The following KIAA0319 variants were observed in gnomAD, a reference collection of about 807,000 sequenced individuals.
KIAA0319 encodes dyslexia-associated protein KIAA0319.
KIAA0319 carries 83 observed loss-of-function variants against 108.4 expected under a neutral mutation model. That is an observed-to-expected ratio of 0.77 (90% CI 0.64 to 0.92). The LOEUF is 0.92. Among genes scored for constraint, KIAA0319 ranks in the 40% least tolerant of loss-of-function variants. The pLI, the probability that KIAA0319 is intolerant of heterozygous loss-of-function variation, is 0.00. For missense variants in KIAA0319, 1,195 were observed against 1,322.4 expected, an observed-to-expected ratio of 0.90 and a Z score of 1.49; for synonymous variants, 484 against 510.4, an observed-to-expected ratio of 0.95 and a Z score of 0.70.
intron 1 of KIAA0319, among the ~76,000 whole-genome samples, chr6:24,610,782 A>C (rs1772180331): frequency 6.7e-6 from 1 of 149,618 alleles, no homozygotes; most frequent in Admixed American, 6.7e-5. Context: ...CCCTCAAAAC[A>C]AAAAAAAAAT....
In KIAA0319 at chr6:24,544,243, G is replaced by A. The variant is rs1449409648; in HGVS notation, c.*2922C>T. 1 of 152,120 alleles carries A rather than the reference G, an allele frequency of 6.6e-6. No individual in the cohort carries two copies. The highest frequency in any genetic ancestry group is 1.9e-4 in the East Asian group (1 of 5,188). 9.4% of individuals were successfully genotyped at this position (152,120 alleles called of 1,614,324 possible). On this transcript the variant is annotated 3_prime_UTR_variant, in exon 21 of 21. Coordinates refer to ENST00000378214, the MANE Select transcript of KIAA0319 (RefSeq NM_014809.4). Reference sequence around the variant, plus strand: ...CGGCTCATGGGGCGTGCACACACAGGCTGTAGGCCACAGTTTGCTGACCTA... The same window carrying A: ...CGGCTCATGGGGCGTGCACACACAGACTGTAGGCCACAGTTTGCTGACCTA...
chr6:24,587,192 C>T, intron 4 of KIAA0319, among the ~76,000 whole-genome samples: 1 of 152,138 alleles, frequency 6.6e-6, no homozygotes, highest in East Asian at 1.9e-4. Flanking sequence ...AAATCTGGTT[C>T]CTTCCCTCCA....
At chr6:24,594,198 C>CAAAAAAAAAAAAAAAAAAAAAAA (rs761107947) in intron 3 of KIAA0319, among the ~76,000 whole-genome samples, 1 of 54,398 alleles carries the variant, frequency 1.8e-5, no homozygotes, top group African/African-American at 8.0e-5. Flanking sequence ...GACTCTGTCT[C>CAAAAAAAAAAAAAAAAAAAAAAA]AAAAAAAAAA....
chr6:24,638,203 C>T (rs1330695762), intron 1 of KIAA0319, among the ~76,000 whole-genome samples: 1 of 151,918 alleles, frequency 6.6e-6, no homozygotes, highest in Non-Finnish European at 1.5e-5. Flanking sequence ...GGAGAGGAGA[C>T]AAAAATCATA....
intron 20 of KIAA0319, among the ~76,000 whole-genome samples, 166 bp downstream of exon 20, chr6:24,551,268 C>A (rs1761455077): frequency 6.6e-6 from 1 of 152,066 alleles, no homozygotes; most frequent in Non-Finnish European, 1.5e-5. Context: ...GCCACTGGGC[C>A]CGGCCTGAAG....
chr6:24,613,679 G>GAA lies in KIAA0319; in HGVS notation c.-105-12473_-105-12472dup, dbSNP rs57271356. Among the ~76,000 whole-genome samples the GAA allele has an allele frequency of 6.1e-3, 844 of 137,472 alleles. 3 individuals carry two copies. Among genetic ancestry groups the GAA allele is most frequent in the Admixed American group, 8.5e-3 (116 of 13,628 alleles). The allele number at this position is 137,472 out of a possible 152,430, so 90.2% of individuals were successfully genotyped here. ...GGAGGAACAGGCAGATCATTTGAGG[G>GAA]AAAAAAAAAAAACAAAATGAGGGAA... On this transcript the variant is annotated intron_variant, in intron 1 of 20. Transcript: ENST00000378214.
At chr6:24,595,808 A>T in intron 3 of KIAA0319, 65 bp downstream of exon 3, 1 of 1,503,518 alleles carries the variant, frequency 6.7e-7, no homozygotes, top group African/African-American at 1.4e-5. Flanking sequence ...CCTGAAACTC[A>T]GCCCCTCCTA....
intron 1 of KIAA0319, among the ~76,000 whole-genome samples, chr6:24,609,505 A>T (rs933048833): frequency 4.6e-5 from 7 of 150,798 alleles, no homozygotes; most frequent in Non-Finnish European, 8.9e-5. Flanking sequence ...TGAACCCGGG[A>T]GAGGAGGTTG....
At chr6:24,639,840 C>T (rs1776691711) in intron 1 of KIAA0319, among the ~76,000 whole-genome samples, 1 of 101,348 alleles carries the variant, frequency 9.9e-6, no homozygotes, top group African/African-American at 4.4e-5. Flanking sequence ...GAGTGAGACT[C>T]CATCTTAAAA....
Position 24,572,593 on chromosome 6 carries a change from T to A in KIAA0319, c.1840A>T (p.Thr614Ser). The change falls in exon 11 of 21, where the codon ACT (threonine) becomes TCT (serine). Residue 614 changes from threonine (T) to serine (S), a missense_variant. Coordinates refer to ENST00000378214, the MANE Select transcript of KIAA0319 (RefSeq NM_014809.4). ...SSRQQSTAVV[T>S]VIVQPENNRP... ...CACCTACCAGGCTGGACAATCACAG[T>A]CACCACAGCAGTAGACTGTTGCCTT... 6.2e-7 allele frequency: 1 copy of A among 1,613,214 alleles called. No homozygotes were observed. Among genetic ancestry groups the A allele is most frequent in the Non-Finnish European group, 8.5e-7 (1 of 1,179,716 alleles).
At chr6:24,603,087 T>C (rs1297588750) in intron 1 of KIAA0319, among the ~76,000 whole-genome samples, 2 of 152,252 alleles carry the variant, frequency 1.3e-5, no homozygotes, top group African/African-American at 4.8e-5. Context: ...CTTGGCTTAA[T>C]TGACAGCATT....
intron 19 of KIAA0319, among the ~76,000 whole-genome samples, chr6:24,553,294 T>TATATATATATATATATATAC (rs1554142428): frequency 2.2e-5 from 2 of 91,074 alleles, no homozygotes; most frequent in Non-Finnish European, 4.1e-5. Flanking sequence ...TATATATATA[T>TATATATATATATATATATAC]ACACACACAC....
intron 12 of KIAA0319, among the ~76,000 whole-genome samples, chr6:24,569,371 T>C (rs1275744498): frequency 6.6e-6 from 1 of 152,116 alleles, no homozygotes; most frequent in African/African-American, 2.4e-5. Flanking sequence ...CAAAAATACC[T>C]CAGTTTGGGT....
chr6:24,579,424 TATATATATCTTATATATCTC>T (rs1467112525), intron 8 of KIAA0319, among the ~76,000 whole-genome samples: 6 of 145,674 alleles, frequency 4.1e-5, no homozygotes, highest in Non-Finnish European at 6.0e-5. Flanking sequence ...TATATATATA[TATATATATCTTATATATCTC>T]ATATATATCT....
intron 1 of KIAA0319, among the ~76,000 whole-genome samples, chr6:24,641,215 T>C (rs1263823257): frequency 6.6e-6 from 1 of 152,280 alleles, no homozygotes; most frequent in Non-Finnish European, 1.5e-5. Context: ...TTCATCCATG[T>C]TGCAGCATGT....
chr6:24,610,584 C>A (rs1772146691), intron 1 of KIAA0319, among the ~76,000 whole-genome samples: 2 of 152,112 alleles, frequency 1.3e-5, no homozygotes, highest in South Asian at 4.2e-4. Flanking sequence ...TGTATATACT[C>A]AAGAGAAATG....
rs1310020002 is a variant in KIAA0319 at position 24,576,615 on chromosome 6, GC to G, written c.1506-20del. ...AGTCAACCTACAAAAAGGAGAAGAA[GC>G]CGTAGTTGGAAGAATATGCCAGGCT... On this transcript the variant is annotated intron_variant, in intron 9 of 20. Transcript: ENST00000378214. 2 of 1,597,232 alleles carry G rather than the reference GC, an allele frequency of 1.3e-6. No individual in the cohort carries two copies. Among genetic ancestry groups the G allele is most frequent in the Admixed American group, 3.3e-5 (2 of 59,958 alleles).
intron 1 of KIAA0319, among the ~76,000 whole-genome samples, chr6:24,614,026 T>C (rs1772776006): frequency 6.6e-6 from 1 of 152,206 alleles, no homozygotes; most frequent in Non-Finnish European, 1.5e-5. Flanking sequence ...TCTCTTTCCA[T>C]TTCACCGCAG....
intron 1 of KIAA0319, among the ~76,000 whole-genome samples, chr6:24,621,928 C>T (rs928588806): frequency 1.3e-5 from 2 of 152,202 alleles, no homozygotes; most frequent in African/African-American, 4.8e-5. Context: ...AAAAACAGAT[C>T]TCAAGCTAAA....
Sources: allele counts gnomAD v4.1 joint callset (sites outside exome capture counted in the v4.1 genomes callset), GRCh38; gene constraint gnomAD v4.1.1; transcripts MANE v1.5; gene names NCBI Gene and HGNC (gene_info 2026-07-23, HGNC 2026-07-21).